Variants in SCN10A observed in about 807,000 individuals in gnomAD.
The protein encoded by SCN10A is sodium voltage-gated channel alpha subunit 10.
In SCN10A, 162 loss-of-function variants were observed where a neutral mutation model predicts 170.7. That is an observed-to-expected ratio of 0.95 (90% confidence interval 0.84 to 1.08). SCN10A has a LOEUF of 1.08. Among genes scored for constraint, SCN10A ranks in the 50% least tolerant of loss-of-function variants. The pLI, the probability that SCN10A is intolerant of heterozygous loss-of-function variation, is 0.00. For synonymous variants in SCN10A, 985 were observed against 904.6 expected, an observed-to-expected ratio of 1.09 and a Z score of -1.59; for missense variants, 2,527 against 2,436.9, an observed-to-expected ratio of 1.04 and a Z score of -0.78.
At chr3:38,755,657 G>T in intron 11 of SCN10A, 131 bp downstream of exon 11, 1 of 963,594 alleles carries the variant, frequency 1.0e-6, no homozygotes, top group Non-Finnish European at 1.6e-6. Context: ...CATTTTGGAG[G>T]GGTGTCTGGA....
chr3:38,783,684 G>T (rs74363987), intron 4 of SCN10A, among the ~76,000 whole-genome samples: 4,554 of 152,056 alleles, frequency 0.03, 241 homozygotes, highest in African/African-American at 0.1. Context: ...CTGTAATCTG[G>T]TGTCCACAAG....
intron 26 of SCN10A, among the ~76,000 whole-genome samples, chr3:38,704,076 A>C (rs751663294): frequency 5.9e-5 from 9 of 152,376 alleles, no homozygotes; most frequent in Admixed American, 1.3e-4. Flanking sequence ...AAGCCTCTGC[A>C]TGAGTGGCTA....
At chr3:38,747,028 C>G (rs2063697681) in intron 13 of SCN10A, among the ~76,000 whole-genome samples, 1 of 152,150 alleles carries the variant, frequency 6.6e-6, no homozygotes, top group East Asian at 1.9e-4. Context: ...CATGAAGCAT[C>G]CTTCAGGTGT....
At chr3:38,789,596 A>G (rs2064253609) in intron 3 of SCN10A, among the ~76,000 whole-genome samples, 2 of 152,142 alleles carry the variant, frequency 1.3e-5, no homozygotes, top group Non-Finnish European at 2.9e-5. Flanking sequence ...AGTTGAGATC[A>G]GTTCCACCGA....
intron 24 of SCN10A, among the ~76,000 whole-genome samples, chr3:38,710,007 T>G (rs544321880): frequency 6.6e-6 from 1 of 152,310 alleles, no homozygotes; most frequent in East Asian, 1.9e-4. Context: ...CACAAGCTCC[T>G]AAGCCCTGGA....
rs71085336 is a variant in SCN10A, at chr3:38,746,100, T to TATATATATATATATCTAG, written c.1868-3572_1868-3571insCTAGATATATATATATAT. On this transcript the variant is annotated intron_variant, in intron 13 of 27. Coordinates refer to ENST00000449082, the MANE Select transcript of SCN10A (RefSeq NM_006514.4). ...ATATATATATATATATATATATATA[T>TATATATATATATATCTAG]GCCATCTTTGTCATCTAAGTTCTAG... Among the ~76,000 whole-genome samples, 159 of 99,786 alleles carry TATATATATATATATCTAG rather than the reference T, an allele frequency of 1.6e-3. 9 individuals are homozygous for TATATATATATATATCTAG. The highest frequency in any genetic ancestry group is 3.9e-3 in the East Asian group (11 of 2,838). The allele number at this position is 99,786 out of a possible 152,430, so 65.5% of individuals were successfully genotyped here.
intron 15 of SCN10A, among the ~76,000 whole-genome samples, chr3:38,737,842 T>TTTCTTTCTTTCTTTCTTTCTCTTTC (rs2063586768): frequency 6.9e-6 from 1 of 145,678 alleles, no homozygotes; most frequent in Non-Finnish European, 1.5e-5. Flanking sequence ...CTCTTTCTTC[T>TTTCTTTCTTTCTTTCTTTCTCTTTC]TTCTTTCTTT....
chr3:38,709,684 G>C lies in SCN10A; in HGVS notation c.4144-69C>G, dbSNP rs187722586. On this transcript the variant is annotated intron_variant, in intron 24 of 27. Transcript: ENST00000449082. Reference sequence around the variant, plus strand: ...AGTTCAGGTTCACTCTGAAAGCCAAGCCTAAGACATGGACCTGGGTGCAGG... The same window carrying C: ...AGTTCAGGTTCACTCTGAAAGCCAACCCTAAGACATGGACCTGGGTGCAGG... 18 of 1,397,348 alleles carry C rather than the reference G, an allele frequency of 1.3e-5. 1 individual carries two copies. The highest frequency in any genetic ancestry group is 1.2e-4 in the South Asian group (7 of 60,330). 86.6% of individuals were successfully genotyped at this position (1,397,348 alleles called of 1,614,324 possible).
chr3:38,723,588 TC>T (rs1559423879), intron 18 of SCN10A, 35 bp from the exon 19 acceptor site: 1 of 1,555,644 alleles, frequency 6.4e-7, no homozygotes, highest in African/African-American at 1.4e-5. Flanking sequence ...TGAACTCGTC[TC>T]TCCGCGGGGC....
chr3:38,805,012 C>G (rs556095850), intron 1 of SCN10A, among the ~76,000 whole-genome samples: 1 of 151,994 alleles, frequency 6.6e-6, no homozygotes, highest in Admixed American at 6.6e-5. Flanking sequence ...GAATAAGTAC[C>G]GTGGAGTGGA....
At chr3:38,725,097 C>A in intron 18 of SCN10A, 77 bp downstream of exon 18, 2 of 1,384,424 alleles carry the variant, frequency 1.4e-6, no homozygotes, top group Non-Finnish European at 1.9e-6. Flanking sequence ...CCTTCACCGC[C>A]ACCCTCCAGC....
intron 3 of SCN10A, among the ~76,000 whole-genome samples, chr3:38,789,900 C>T (rs1002176960): frequency 2.0e-5 from 3 of 152,094 alleles, no homozygotes; most frequent in African/African-American, 7.2e-5. Context: ...CCCAACAGTG[C>T]TTCCTAAGGA....
intron 20 of SCN10A, among the ~76,000 whole-genome samples, chr3:38,720,304 A>G (rs903710622): frequency 2.6e-5 from 4 of 152,234 alleles, no homozygotes; most frequent in Admixed American, 1.3e-4. Flanking sequence ...AGATAATATG[A>G]GACTATTTAC....
chr3:38,749,109 G>A (rs1559441508), intron 13 of SCN10A, among the ~76,000 whole-genome samples: 1 of 152,190 alleles, frequency 6.6e-6, no homozygotes, highest in African/African-American at 2.4e-5. Flanking sequence ...TGCCACCTCT[G>A]GCTTTACCTA....
intron 8 of SCN10A, among the ~76,000 whole-genome samples, chr3:38,759,887 C>G (rs2063849635): frequency 1.3e-5 from 2 of 152,158 alleles, no homozygotes; most frequent in South Asian, 2.1e-4. Context: ...TGAATCTGGC[C>G]TCTGTAAGAA....
At position 38,735,918 on chromosome 3, in the gene SCN10A, C is replaced by T. The variant is rs546219353; in HGVS notation, c.2280+3597G>A. 8.3e-4 allele frequency among the ~76,000 whole-genome samples: 126 copies of T among 152,244 alleles called. 1 individual carries two copies. Among genetic ancestry groups the T allele is most frequent in the Middle Eastern group, 6.8e-3 (2 of 294 alleles). ...CTTGTGCTAGGCCCTTGGGATAAAACGGTAGACAAGAAACTCTGGTTTTTG... is the reference window on the plus strand; with the variant it reads ...CTTGTGCTAGGCCCTTGGGATAAAATGGTAGACAAGAAACTCTGGTTTTTG... On this transcript the variant is annotated intron_variant, in intron 15 of 27. Transcript: ENST00000449082.
intron 25 of SCN10A, among the ~76,000 whole-genome samples, chr3:38,708,190 G>A (rs2063230808): frequency 6.6e-6 from 1 of 152,166 alleles, no homozygotes; most frequent in Non-Finnish European, 1.5e-5. Flanking sequence ...GGGCTTCCTG[G>A]GAGGACCATC....
At position 38,710,874 on chromosome 3, in the gene SCN10A, G is replaced by C. The variant is rs138786127; in HGVS notation, c.4113C>G (p.Asp1371Glu). The C allele has an allele frequency of 3.7e-6, 6 of 1,613,722 alleles. No homozygotes were observed. In the African/African-American group the frequency reaches 8.0e-5, roughly 22 times the overall value. ...GGGAATCAACAGCTGCATACATAAT[G>C]TCCATCCAGCCTTTAAAGGTTGCCT... ...LQVATFKGWM[D>E]IMYAAVDSRE... The change falls in exon 24 of 28, where the codon GAC becomes GAG. Residue 1371 changes from aspartate to glutamate, a missense_variant. Coordinates refer to ENST00000449082, the MANE Select transcript of SCN10A (RefSeq NM_006514.4).
In SCN10A at chr3:38,708,969, C is replaced by T. The variant is rs112718371; in HGVS notation, c.4281+509G>A. On this transcript the variant is annotated intron_variant, in intron 25 of 27. Coordinates refer to ENST00000449082, the MANE Select transcript of SCN10A (RefSeq NM_006514.4). ...ATACTTTATACCTTTATTGCCCTGA[C>T]ATTTTCTTATAAACATGAGAGGTTA... is the stretch of plus-strand genomic sequence containing the variant. 8.5e-3 allele frequency among the ~76,000 whole-genome samples: 1,288 copies of T among 152,284 alleles called. 8 individuals are homozygous for T. The highest frequency in any genetic ancestry group is 0.012 in the Non-Finnish European group (799 of 68,026).
Sources: allele counts gnomAD v4.1 joint callset (sites outside exome capture counted in the v4.1 genomes callset), GRCh38; gene constraint gnomAD v4.1.1; transcripts MANE v1.5; gene names NCBI Gene and HGNC (gene_info 2026-07-23, HGNC 2026-07-21).